Variants in DCTN2 observed in about 807,000 individuals in gnomAD.
The protein encoded by DCTN2 is 50 kDa dynein-associated polypeptide.
Under a neutral mutation model 55.4 loss-of-function variants are expected in DCTN2, and 18 were observed. The observed-to-expected ratio is 0.32, with a 90% confidence interval of 0.22 to 0.48. The LOEUF (loss-of-function observed/expected upper bound fraction) is 0.48. Ranked by LOEUF, DCTN2 falls within the 20% of genes least tolerant of loss-of-function variation. The pLI, the probability that DCTN2 is intolerant of heterozygous loss-of-function variation, is 0.99. For synonymous variants in DCTN2, 168 were observed against 185.2 expected (o/e 0.91, Z 0.76); for missense variants, 390 against 491.0 (o/e 0.79, Z 1.94).
At chr12:57,546,909 G>C in intron 1 of DCTN2, 119 bp downstream of exon 1, 9 of 856,584 alleles carry the variant, frequency 1.1e-5, no homozygotes, top group South Asian at 5.5e-5. Context: ...AACGAGCGGC[G>C]GGAGCCCTTG....
Position 57,532,585 on chromosome 12 carries a change from T to C in DCTN2, c.911A>G (p.Asp304Gly). 6.2e-7 allele frequency: 1 copy of C among 1,614,004 alleles called. No homozygotes were observed. Among genetic ancestry groups the C allele is most frequent in the Non-Finnish European group, 8.5e-7 (1 of 1,179,878 alleles). Residue 304 changes from aspartate (D) to glycine (G), a missense_variant, in exon 11 of 14, where the codon GAT (aspartate) becomes GGT (glycine). Physicochemically the swap from Asp to Gly is moderately conservative, Grantham distance 94. Coordinates refer to ENST00000548249, the MANE Select transcript of DCTN2 (RefSeq NM_001261413.2). ...AKHKASVEDA[D>G]TQSKVHQLYE... ...TGTCTTCCTGACCTTGCTTTGTGTA[T>C]CTGCATCTTCTACAGAGGCTTTATG...
chr12:57,530,372 G>T lies in DCTN2; in HGVS notation c.*317C>A. On this transcript the variant is annotated 3_prime_UTR_variant, in exon 14 of 14. Coordinates refer to ENST00000548249, the MANE Select transcript of DCTN2 (RefSeq NM_001261413.2). ...TACAGTATTACAGTCAGCCACAGAA[G>T]CTGTGTTGGGGGACAAGACCCAATC... is the stretch of plus-strand genomic sequence containing the variant. 3.3e-6 allele frequency: 1 copy of T among 299,214 alleles called. No homozygotes were observed. The allele number at this position is 299,214 out of a possible 1,614,324, so 18.5% of individuals were successfully genotyped here.
At chr12:57,540,250 G>A (rs1880589519) in intron 2 of DCTN2, among the ~76,000 whole-genome samples, 1 of 152,206 alleles carries the variant, frequency 6.6e-6, no homozygotes, top group African/African-American at 2.4e-5. Flanking sequence ...AACTCAAGGA[G>A]AGAAAGAAGA....
intron 7 of DCTN2, 52 bp downstream of exon 7, chr12:57,533,901 C>T: frequency 6.6e-7 from 1 of 1,524,544 alleles, no homozygotes; most frequent in Middle Eastern, 2.2e-4. Flanking sequence ...AGGAAAATCT[C>T]TAGGGTCACA....
chr12:57,532,276 TG>T lies in DCTN2; in HGVS notation c.963del (p.Ile322LeufsTer29). ...QLYETIQRWS[P>X]IASTLPELVQ... The stretch of plus-strand genomic sequence containing the variant: ...ACCAGCTCAGGGAGGGTGGAGGCAA[TG>T]GGGCTCCAGCGCTGTATAGTTTCAT... On this transcript the variant is annotated frameshift_variant, in exon 12 of 14. Transcript: ENST00000548249. LOFTEE classifies it high-confidence loss of function. 6.4e-7 allele frequency: 1 copy of T among 1,563,568 alleles called. No homozygotes were observed. The highest frequency in any genetic ancestry group is 1.9e-5 in the Admixed American group (1 of 52,806).
In DCTN2 at chr12:57,532,554, G is replaced by A. The variant is rs200231991; in HGVS notation, c.924+18C>T. Reference sequence around the variant, plus strand: ...ACCTGAGGGAGTGGAAAGGAGATGGGGAAGGTGTCTTCCTGACCTTGCTTT... The same window carrying A: ...ACCTGAGGGAGTGGAAAGGAGATGGAGAAGGTGTCTTCCTGACCTTGCTTT... On this transcript the variant is annotated intron_variant, in intron 11 of 13. Coordinates refer to ENST00000548249, the MANE Select transcript of DCTN2 (RefSeq NM_001261413.2). 17 of 1,613,532 alleles carry A rather than the reference G, an allele frequency of 1.1e-5. No homozygotes were observed. The highest frequency in any genetic ancestry group is 2.2e-5 in the East Asian group (1 of 44,880).
intron 2 of DCTN2, among the ~76,000 whole-genome samples, chr12:57,545,223 TA>T (rs1202652873): frequency 1.3e-5 from 2 of 152,200 alleles, no homozygotes; most frequent in African/African-American, 4.8e-5. Context: ...TAATAGAACC[TA>T]AAACACATCC....
chr12:57,534,418 A>G lies in DCTN2; in HGVS notation c.398T>C (p.Leu133Pro). ...TVKESATEEKLTPVLLAKQLA... is the reference protein window; with the variant it reads ...TVKESATEEKPTPVLLAKQLA... ...CTGTTTAGCCAGCAACACAGGGGTCAGCTTCTCCTCTGTGGCTGACTCCTT... is the reference window on the plus strand; with the variant it reads ...CTGTTTAGCCAGCAACACAGGGGTCGGCTTCTCCTCTGTGGCTGACTCCTT... Residue 133 changes from leucine (L) to proline (P), a missense_variant, in exon 6 of 14, where the codon CTG (leucine) becomes CCG (proline). By Grantham distance (98) the Leu-to-Pro change is moderately conservative. Around this residue, in one of 2 missense-constraint regions of DCTN2, gnomAD observed 117 missense variants for 187.8 expected, o/e 0.62. Transcript: ENST00000548249. 6.2e-7 allele frequency: 1 copy of G among 1,610,690 alleles called. No individual in the cohort carries two copies. Among genetic ancestry groups the G allele is most frequent in the Non-Finnish European group, 8.5e-7 (1 of 1,177,894 alleles).
intron 2 of DCTN2, among the ~76,000 whole-genome samples, chr12:57,542,186 G>T (rs1406641934): frequency 3.3e-5 from 5 of 151,874 alleles, no homozygotes; most frequent in African/African-American, 4.8e-5. Flanking sequence ...TGAGGCAGGA[G>T]AATCTCTTGA....
chr12:57,533,883 A>G (rs1407654700), intron 7 of DCTN2, 70 bp downstream of exon 7: 44 of 1,478,804 alleles, frequency 3.0e-5, no homozygotes, highest in Non-Finnish European at 4.0e-5. Flanking sequence ...CTCTCCTTGG[A>G]GAGAGGCAGG....
intron 2 of DCTN2, chr12:57,538,597 A>AG (rs556598301): frequency 5.5e-5 from 39 of 715,204 alleles, no homozygotes; most frequent in Non-Finnish European, 9.5e-5. Context: ...GGGATGAGGG[A>AG]GGGAAAAAAA....
Position 57,530,689 on chromosome 12 carries a change from T to C in DCTN2, c.1206A>G (p.Ter402TrpextTer15), listed in dbSNP as rs1169386142. The C allele has an allele frequency of 6.2e-7, 1 of 1,613,454 alleles. No individual in the cohort carries two copies. Among genetic ancestry groups the C allele is most frequent in the Non-Finnish European group, 8.5e-7 (1 of 1,179,592 alleles). The part of the protein sequence containing the change: ...IDERMKKLGK[*>W] ...CCTGTTCTCCAGCTCCCAAATGTGCTCACTTTCCCAGCTTCTTCATCCGTT... is the reference window on the plus strand; with the variant it reads ...CCTGTTCTCCAGCTCCCAAATGTGCCCACTTTCCCAGCTTCTTCATCCGTT... The change falls in exon 14 of 14, where the codon TGA (stop) becomes TGG (tryptophan). Residue 402 changes from the stop codon to tryptophan, a stop_lost. Transcript: ENST00000548249.
At chr12:57,541,364 T>G (rs948689482) in intron 2 of DCTN2, 19 of 1,599,060 alleles carry the variant, frequency 1.2e-5, no homozygotes, top group Non-Finnish European at 1.4e-5. Context: ...ATGGTCTTAC[T>G]TGTGCAAACT....
intron 2 of DCTN2, chr12:57,538,458 GAAA>G (rs1333116899): frequency 1.3e-6 from 1 of 749,920 alleles, no homozygotes; most frequent in South Asian, 1.4e-5. Context: ...AAAGGACAGA[GAAA>G]CAACTGCTCA....
intron 2 of DCTN2, chr12:57,543,078 G>A (rs1565683982): frequency 4.4e-6 from 2 of 452,386 alleles, no homozygotes; most frequent in Non-Finnish European, 8.9e-6. Flanking sequence ...GGCTGGGCAT[G>A]GTGGCTCACG....
In DCTN2 at chr12:57,530,674, A is replaced by C; in HGVS notation, c.*15T>G. 6.2e-7 allele frequency: 1 copy of C among 1,610,526 alleles called. No individual in the cohort carries two copies. On this transcript the variant is annotated 3_prime_UTR_variant, in exon 14 of 14. Coordinates refer to ENST00000548249, the MANE Select transcript of DCTN2 (RefSeq NM_001261413.2). The stretch of plus-strand genomic sequence containing the variant: ...GGGGTAGGGATAACCCCTGTTCTCC[A>C]GCTCCCAAATGTGCTCACTTTCCCA...
intron 2 of DCTN2, chr12:57,542,749 G>A (rs1880798962): frequency 2.2e-6 from 1 of 452,970 alleles, no homozygotes; most frequent in South Asian, 1.6e-5. Context: ...AACCGGGGAG[G>A]CAAAGGTTGC....
intron 9 of DCTN2, 35 bp from the exon 10 acceptor site, chr12:57,532,845 G>A: frequency 6.2e-7 from 1 of 1,612,646 alleles, no homozygotes; most frequent in Non-Finnish European, 8.5e-7. Context: ...ATCATGAAGA[G>A]GAAAGGCAGA....
At chr12:57,539,646 C>T (rs1304631180) in intron 2 of DCTN2, among the ~76,000 whole-genome samples, 2 of 152,176 alleles carry the variant, frequency 1.3e-5, no homozygotes, top group African/African-American at 4.8e-5. Flanking sequence ...GGATTAAAAA[C>T]AAGTGCTTCC....
Sources: allele counts gnomAD v4.1 joint callset (sites outside exome capture counted in the v4.1 genomes callset), GRCh38; gene constraint gnomAD v4.1.1; regional missense constraint gnomAD v4.1.1; transcripts MANE v1.5; gene names NCBI Gene and HGNC (gene_info 2026-07-23, HGNC 2026-07-21).